The following SIPA1L3 variants were observed in gnomAD, a reference collection of about 807,000 sequenced individuals.
SIPA1L3 encodes signal induced proliferation associated 1 like 3.
A neutral mutation model predicts 150.1 loss-of-function variants in SIPA1L3; 59 were observed. The ratio of observed to expected loss-of-function variants is 0.39; its 90% confidence interval spans 0.32 to 0.49. The LOEUF (loss-of-function observed/expected upper bound fraction) is 0.49. Ranked by LOEUF, SIPA1L3 falls within the 20% of genes least tolerant of loss-of-function variation. The probability of loss-of-function intolerance (pLI) is 0.86; values close to 1 mark genes in which losing one functional copy is unlikely to be tolerated. For missense variants in SIPA1L3, 2,211 were observed against 2,489.5 expected, an observed-to-expected ratio of 0.89 and a Z score of 2.38; for synonymous variants, 1,070 against 1,077.6, an observed-to-expected ratio of 0.99 and a Z score of 0.14.
chr19:37,907,554 C>T (rs1322518460), intron 1 of SIPA1L3, 196 bp downstream of exon 1: 6 of 152,238 alleles, frequency 3.9e-5, no homozygotes, highest in Non-Finnish European at 7.3e-5. Flanking sequence ...GCGTGCACCC[C>T]GGCGCTGTGG....
intron 8 of SIPA1L3, 31 bp downstream of exon 8, chr19:38,110,415 G>C (rs373032582): frequency 6.3e-7 from 1 of 1,593,160 alleles, no homozygotes; most frequent in Non-Finnish European, 8.6e-7. Flanking sequence ...CCCCAGCAGC[G>C]TATGGAGAGA....
chr19:38,186,545 G>A lies in SIPA1L3; in HGVS notation c.4430+3805G>A, dbSNP rs562634410. Among the ~76,000 whole-genome samples, 5 of 151,072 alleles carry A rather than the reference G, an allele frequency of 3.3e-5. No homozygotes were observed. The East Asian group carries it at 1.0e-3, about 30-fold the overall frequency. On this transcript the variant is annotated intron_variant, in intron 16 of 21. Transcript: ENST00000222345. ...ATTTTTGTATTTTTAATAGAGACGGGGTTTCACCATGTTGGTCAGGCTGGT... is the reference window on the plus strand; with the variant it reads ...ATTTTTGTATTTTTAATAGAGACGGAGTTTCACCATGTTGGTCAGGCTGGT...
intron 6 of SIPA1L3, among the ~76,000 whole-genome samples, chr19:38,103,699 G>A (rs189496406): frequency 2.0e-5 from 3 of 151,152 alleles, no homozygotes; most frequent in South Asian, 2.1e-4. Context: ...CAAGGTGGGC[G>A]GATCATGAGG....
At chr19:38,161,742 G>T (rs898714674) in intron 13 of SIPA1L3, among the ~76,000 whole-genome samples, 4 of 151,578 alleles carry the variant, frequency 2.6e-5, no homozygotes, top group Admixed American at 6.6e-5. Context: ...AGACAGTCAA[G>T]CTCATAGATA....
At chr19:38,136,183 C>CAAAATA (rs1439432815) in intron 10 of SIPA1L3, among the ~76,000 whole-genome samples, 11 of 44,112 alleles carry the variant, frequency 2.5e-4, no homozygotes, top group African/African-American at 7.5e-4. Context: ...GAGACTGTCT[C>CAAAATA]AAAAAAAAAA....
chr19:38,032,277 C>A (rs1968669736), intron 2 of SIPA1L3, among the ~76,000 whole-genome samples: 1 of 152,110 alleles, frequency 6.6e-6, no homozygotes, highest in South Asian at 2.1e-4. Flanking sequence ...GATAAAAGCT[C>A]CCAAGTTCCA....
At chr19:37,926,606 G>T (rs1010253735) in intron 1 of SIPA1L3, among the ~76,000 whole-genome samples, 4 of 152,162 alleles carry the variant, frequency 2.6e-5, no homozygotes, top group Admixed American at 2.6e-4. Context: ...CAGGCTTGGG[G>T]AGGGGGCCTG....
chr19:38,203,993 C>A, intron 20 of SIPA1L3, 134 bp from the exon 21 acceptor site: 1 of 677,332 alleles, frequency 1.5e-6, no homozygotes, highest in Non-Finnish European at 2.5e-6. Context: ...TGCTTCCCCT[C>A]AGAGCTTCTC....
Position 38,081,558 on chromosome 19 carries a change from C to G in SIPA1L3, c.-8C>G, listed in dbSNP as rs758881798. The G allele has an allele frequency of 1.3e-6, 2 of 1,569,224 alleles. No individual in the cohort carries two copies. The highest frequency in any genetic ancestry group is 1.3e-5 in the African/African-American group (1 of 74,124). On this transcript the variant is annotated 5_prime_UTR_variant, in exon 3 of 22. Transcript: ENST00000222345. ...ACGGGGCCAGCAGCACTCCAGTGCC[C>G]GTGGACTATGACCACCTATCGGGCC...
chr19:38,140,166 A>G (rs549610527), intron 10 of SIPA1L3, among the ~76,000 whole-genome samples: 30 of 152,334 alleles, frequency 2.0e-4, no homozygotes, highest in Non-Finnish European at 2.6e-4. Context: ...GGGTATGGGC[A>G]CTTCCAGGCT....
At chr19:37,996,128 A>G (rs1046457871) in intron 1 of SIPA1L3, among the ~76,000 whole-genome samples, 1 of 151,950 alleles carries the variant, frequency 6.6e-6, no homozygotes, top group Non-Finnish European at 1.5e-5. Context: ...GGGTCTCACT[A>G]CATTGCCAGG....
chr19:38,026,836 C>G (rs1599922997), intron 1 of SIPA1L3, among the ~76,000 whole-genome samples: 2 of 152,162 alleles, frequency 1.3e-5, no homozygotes, highest in Non-Finnish European at 2.9e-5. Flanking sequence ...GGGCAATAAA[C>G]CACAATTGGA....
intron 15 of SIPA1L3, among the ~76,000 whole-genome samples, chr19:38,166,510 A>G (rs332859): frequency 0.61 from 91,866 of 151,426 alleles, 28,297 homozygotes; most frequent in African/African-American, 0.69. Flanking sequence ...CCAGCAGCCT[A>G]GAGTCCCGAC....
intron 8 of SIPA1L3, among the ~76,000 whole-genome samples, chr19:38,113,618 C>A (rs1035725166): frequency 7.3e-5 from 11 of 151,258 alleles, no homozygotes; most frequent in South Asian, 2.1e-4. Flanking sequence ...AAAAAAAAAA[C>A]CAAAAAAAAC....
chr19:38,172,779 G>A (rs1972355186), intron 15 of SIPA1L3, among the ~76,000 whole-genome samples: 1 of 152,138 alleles, frequency 6.6e-6, no homozygotes, highest in Non-Finnish European at 1.5e-5. Flanking sequence ...AGCCATGGGA[G>A]GCATTTGAGC....
At chr19:38,004,400 C>T (rs1410081047) in intron 1 of SIPA1L3, among the ~76,000 whole-genome samples, 2 of 152,200 alleles carry the variant, frequency 1.3e-5, no homozygotes, top group African/African-American at 2.4e-5. Flanking sequence ...AAAGGATTGG[C>T]TCATTCAACT....
rs144386697 is a variant in SIPA1L3, at chr19:38,088,926, C to T, written c.1665+75C>T. On this transcript the variant is annotated intron_variant, in intron 4 of 21. Coordinates refer to ENST00000222345, the MANE Select transcript of SIPA1L3 (RefSeq NM_015073.3). ...TCTCGAGCCAGGTTCTGGGGGCAAACGCTTCCCCAGCTTCATCTCATGGAA... is the reference window on the plus strand; with the variant it reads ...TCTCGAGCCAGGTTCTGGGGGCAAATGCTTCCCCAGCTTCATCTCATGGAA... The T allele has an allele frequency of 4.6e-4, 696 of 1,525,754 alleles. 1 individual carries two copies. The African/African-American group carries it at 4.9e-3, about 11-fold the overall frequency. The allele number at this position is 1,525,754 out of a possible 1,614,324, so 94.5% of individuals were successfully genotyped here.
chr19:38,090,459 C>T (rs1458490543), intron 4 of SIPA1L3, among the ~76,000 whole-genome samples: 5 of 152,110 alleles, frequency 3.3e-5, no homozygotes, highest in Non-Finnish European at 7.3e-5. Flanking sequence ...CCCGGTCTAG[C>T]ATGTGTTACC....
At chr19:38,072,881 G>A (rs907822405) in intron 2 of SIPA1L3, among the ~76,000 whole-genome samples, 5 of 152,230 alleles carry the variant, frequency 3.3e-5, no homozygotes, top group Non-Finnish European at 5.9e-5. Flanking sequence ...GGGCCTTTTG[G>A]AGCCAAGACA....
Sources: allele counts gnomAD v4.1 joint callset (sites outside exome capture counted in the v4.1 genomes callset), GRCh38; gene constraint gnomAD v4.1.1; transcripts MANE v1.5; gene names NCBI Gene and HGNC (gene_info 2026-07-23, HGNC 2026-07-21).